Variants in SSBP2 observed in about 807,000 individuals in gnomAD.
The protein encoded by SSBP2 is single-stranded DNA-binding protein 2.
Under a neutral mutation model 61.8 loss-of-function variants are expected in SSBP2, and 17 were observed. That is an observed-to-expected ratio of 0.28 (90% CI 0.19 to 0.41). SSBP2 has a LOEUF of 0.41. SSBP2 is among the 10% of genes least tolerant of loss of function. The pLI, the probability that SSBP2 is intolerant of heterozygous loss-of-function variation, is 1.00. For missense variants in SSBP2, 310 were observed against 458.7 expected, an observed-to-expected ratio of 0.68 and a Z score of 2.96; for synonymous variants, 139 against 141.3, an observed-to-expected ratio of 0.98 and a Z score of 0.12.
intron 3 of SSBP2, among the ~76,000 whole-genome samples, chr5:81,633,379 G>C (rs1399218309): frequency 6.6e-6 from 1 of 151,934 alleles, no homozygotes; most frequent in African/African-American, 2.4e-5. Context: ...GCCTCCCAAA[G>C]TGCTGGGATT....
intron 4 of SSBP2, among the ~76,000 whole-genome samples, chr5:81,543,134 C>T (rs1438151911): frequency 1.3e-5 from 2 of 152,108 alleles, no homozygotes; most frequent in Non-Finnish European, 2.9e-5. Flanking sequence ...GGATTACAGG[C>T]GTGAGCCACC....
intron 5 of SSBP2, among the ~76,000 whole-genome samples, chr5:81,501,149 T>G (rs1767683113): frequency 7.1e-6 from 1 of 141,638 alleles, no homozygotes; most frequent in Non-Finnish European, 1.5e-5. Flanking sequence ...AGGCAGATGT[T>G]GTGGTGAGCT....
At chr5:81,437,964 C>T (rs894216990) in intron 14 of SSBP2, 1 of 151,964 alleles carries the variant, frequency 6.6e-6, no homozygotes, top group Non-Finnish European at 1.5e-5. Context: ...ATATTCATGA[C>T]AATTCTTCAA....
At chr5:81,610,721 TG>T (rs1306193202) in intron 4 of SSBP2, among the ~76,000 whole-genome samples, 1 of 152,160 alleles carries the variant, frequency 6.6e-6, no homozygotes, top group Non-Finnish European at 1.5e-5. Flanking sequence ...AGGCCAGGCG[TG>T]GTGGCTCACA....
chr5:81,534,248 C>T (rs1354902592), intron 4 of SSBP2, among the ~76,000 whole-genome samples: 3 of 152,190 alleles, frequency 2.0e-5, no homozygotes, highest in African/African-American at 7.2e-5. Context: ...AAGTTACCAC[C>T]ACATTACTGA....
chr5:81,742,530 T>C (rs1284664044), intron 1 of SSBP2, among the ~76,000 whole-genome samples: 1 of 152,122 alleles, frequency 6.6e-6, no homozygotes, highest in Non-Finnish European at 1.5e-5. Context: ...GAAGACACCA[T>C]GGTCCTTGCT....
chr5:81,600,340 A>G (rs1035044627), intron 4 of SSBP2, among the ~76,000 whole-genome samples: 2 of 152,096 alleles, frequency 1.3e-5, no homozygotes, highest in Admixed American at 1.3e-4. Flanking sequence ...AGGCGGGCAG[A>G]TCATGAGGTC....
intron 5 of SSBP2, among the ~76,000 whole-genome samples, chr5:81,495,670 T>C (rs1248173977): frequency 6.6e-6 from 1 of 152,188 alleles, no homozygotes; most frequent in Non-Finnish European, 1.5e-5. Flanking sequence ...TATCTTAATG[T>C]CAAGATAATT....
intron 1 of SSBP2, among the ~76,000 whole-genome samples, chr5:81,658,828 C>T (rs1561663098): frequency 6.6e-6 from 1 of 152,154 alleles, no homozygotes; most frequent in Non-Finnish European, 1.5e-5. Context: ...CCACGATCAA[C>T]TTGGCTTCAT....
intron 4 of SSBP2, among the ~76,000 whole-genome samples, chr5:81,536,072 G>T (rs1156289326): frequency 1.3e-5 from 2 of 151,974 alleles, no homozygotes; most frequent in East Asian, 3.9e-4. Flanking sequence ...AATAAAAATG[G>T]ACCAAAGACC....
chr5:81,511,669 T>C (rs956891930), intron 5 of SSBP2, among the ~76,000 whole-genome samples: 2 of 152,232 alleles, frequency 1.3e-5, no homozygotes, highest in South Asian at 4.1e-4. Flanking sequence ...CTCAGGCAGA[T>C]TTAATGGCTC....
chr5:81,622,270 G>A (rs1338638678), intron 3 of SSBP2, among the ~76,000 whole-genome samples: 1 of 152,022 alleles, frequency 6.6e-6, no homozygotes, highest in Non-Finnish European at 1.5e-5. Context: ...AATTAACAAT[G>A]AGCACATACA....
intron 4 of SSBP2, among the ~76,000 whole-genome samples, chr5:81,585,202 T>A (rs1366163547): frequency 6.6e-6 from 1 of 152,008 alleles, no homozygotes; most frequent in African/African-American, 2.4e-5. Context: ...CACCCCATAC[T>A]CAATCCTCCC....
intron 1 of SSBP2, among the ~76,000 whole-genome samples, chr5:81,666,978 T>C (rs985091333): frequency 2.0e-5 from 3 of 152,152 alleles, no homozygotes; most frequent in Non-Finnish European, 4.4e-5. Context: ...CTTCCACTCA[T>C]GCCATGGAGG....
chr5:81,662,738 T>A (rs1360899864), intron 1 of SSBP2, among the ~76,000 whole-genome samples: 1 of 151,884 alleles, frequency 6.6e-6, no homozygotes, highest in Non-Finnish European at 1.5e-5. Context: ...GAGGCGGAGG[T>A]TGCAGCAAGC....
intron 10 of SSBP2, among the ~76,000 whole-genome samples, chr5:81,450,643 T>G (rs1175811324): frequency 2.0e-5 from 3 of 152,170 alleles, no homozygotes; most frequent in Admixed American, 2.0e-4. Context: ...TCATGACACT[T>G]ACAAAAATTA....
intron 4 of SSBP2, among the ~76,000 whole-genome samples, chr5:81,552,659 G>T (rs1475733010): frequency 7.1e-6 from 1 of 141,724 alleles, no homozygotes. Context: ...AAAGAAAAAA[G>T]AAAGAAGAAA....
At chr5:81,616,857 A>G (rs1354559025) in intron 3 of SSBP2, among the ~76,000 whole-genome samples, 18 of 152,134 alleles carry the variant, frequency 1.2e-4, no homozygotes, top group East Asian at 3.8e-4. Flanking sequence ...CACCTCACAC[A>G]GCCGGGTACT....
intron 1 of SSBP2, among the ~76,000 whole-genome samples, chr5:81,659,984 T>G (rs1340791057): frequency 6.6e-6 from 1 of 152,052 alleles, no homozygotes; most frequent in Non-Finnish European, 1.5e-5. Flanking sequence ...AAACTGAAAC[T>G]AGACCCCTTC....
Sources: allele counts gnomAD v4.1 joint callset (sites outside exome capture counted in the v4.1 genomes callset), GRCh38; gene constraint gnomAD v4.1.1; transcripts MANE v1.5; gene names NCBI Gene and HGNC (gene_info 2026-07-23, HGNC 2026-07-21).